The following NEDD4 variants were observed in gnomAD, a reference collection of about 807,000 sequenced individuals.
NEDD4 encodes the protein NEDD4 E3 ubiquitin protein ligase.
NEDD4 carries 99 observed loss-of-function variants against 144.9 expected under a neutral mutation model. The ratio of observed to expected loss-of-function variants is 0.68; its 90% confidence interval spans 0.58 to 0.81. The LOEUF is 0.81. Among genes scored for constraint, NEDD4 ranks in the 30% least tolerant of loss-of-function variants. The pLI is 0.00. For synonymous variants in NEDD4, 318 were observed against 350.6 expected (o/e 0.91, Z 1.04); for missense variants, 985 against 1,065.9 (o/e 0.92, Z 1.06).
At chr15:55,992,445 C>T (rs2038002583) in intron 1 of NEDD4, among the ~76,000 whole-genome samples, 1 of 152,194 alleles carries the variant, frequency 6.6e-6, no homozygotes, top group Non-Finnish European at 1.5e-5. Context: ...AGGAACTATA[C>T]AACTTAAATA....
intron 1 of NEDD4, among the ~76,000 whole-genome samples, chr15:55,970,861 A>C (rs2037595023): frequency 6.6e-6 from 1 of 152,082 alleles, no homozygotes; most frequent in African/African-American, 2.4e-5. Flanking sequence ...TAAATACCTA[A>C]CTCTTTAATG....
At chr15:55,950,643 A>G (rs2037221160) in intron 4 of NEDD4, among the ~76,000 whole-genome samples, 1 of 151,820 alleles carries the variant, frequency 6.6e-6, no homozygotes, top group African/African-American at 2.4e-5. Flanking sequence ...TTTAGAGTAC[A>G]GTGGGTTAAC....
At chr15:55,947,853 T>C (rs1230395555) in intron 4 of NEDD4, among the ~76,000 whole-genome samples, 3 of 152,158 alleles carry the variant, frequency 2.0e-5, no homozygotes, top group Non-Finnish European at 4.4e-5. Context: ...TCATACTGAA[T>C]GGGCAAAAAC....
intron 4 of NEDD4, among the ~76,000 whole-genome samples, chr15:55,949,788 CTG>C (rs2037204016): frequency 6.6e-6 from 1 of 151,788 alleles, no homozygotes; most frequent in Admixed American, 6.6e-5. Context: ...ACGTCACACA[CTG>C]GGGCCTGTCA....
At chr15:55,951,265 A>T in intron 4 of NEDD4, 111 bp downstream of exon 4, 1 of 541,356 alleles carries the variant, frequency 1.8e-6, no homozygotes, top group Non-Finnish European at 3.2e-6. Context: ...TCACAACTTT[A>T]GGCAAATTCT....
At chr15:55,976,626 A>AT (rs1566975577) in intron 1 of NEDD4, among the ~76,000 whole-genome samples, 9,641 of 131,218 alleles carry the variant, frequency 0.073, 447 homozygotes, top group Non-Finnish European at 0.11. Context: ...TCTGGGCAAA[A>AT]ATTTTTTTTT....
At chr15:55,859,732 A>G (rs753241422) in intron 11 of NEDD4, among the ~76,000 whole-genome samples, 1 of 152,132 alleles carries the variant, frequency 6.6e-6, no homozygotes, top group African/African-American at 2.4e-5. Flanking sequence ...AACCAACTTC[A>G]GCATAACTGG....
chr15:55,905,723 TG>T (rs1187509011), intron 5 of NEDD4, among the ~76,000 whole-genome samples: 1 of 152,204 alleles, frequency 6.6e-6, no homozygotes, highest in African/African-American at 2.4e-5. Flanking sequence ...TTGATGGGGT[TG>T]TTTTTTTCTT....
At chr15:55,968,575 T>C (rs62045217) in intron 1 of NEDD4, among the ~76,000 whole-genome samples, 11,142 of 152,180 alleles carry the variant, frequency 0.073, 467 homozygotes, top group Admixed American at 0.11. Context: ...AAAATCAATA[T>C]GTAAGATATA....
intron 1 of NEDD4, among the ~76,000 whole-genome samples, chr15:55,975,519 C>G (rs548202440): frequency 8.6e-5 from 13 of 151,964 alleles, no homozygotes; most frequent in Non-Finnish European, 1.8e-4. Flanking sequence ...GAATGTAACT[C>G]CCAGTTACAA....
chr15:55,933,690 A>T (rs1465299750), intron 4 of NEDD4, among the ~76,000 whole-genome samples: 1 of 152,076 alleles, frequency 6.6e-6, no homozygotes, highest in Admixed American at 6.5e-5. Flanking sequence ...ATAAAAAAAA[A>T]AATCTGATGG....
intron 1 of NEDD4, among the ~76,000 whole-genome samples, chr15:55,980,801 T>A (rs1171280492): frequency 6.6e-6 from 1 of 152,066 alleles, no homozygotes; most frequent in Non-Finnish European, 1.5e-5. Flanking sequence ...GGGGTGTGTG[T>A]GTGTGTGTGT....
rs8024903 is a variant in NEDD4, at chr15:55,975,646, G to A, written c.46-9100C>T. On this transcript the variant is annotated intron_variant, in intron 1 of 28. Coordinates refer to ENST00000435532, the MANE Select transcript of NEDD4 (RefSeq NM_006154.4). The stretch of plus-strand genomic sequence containing the variant: ...GACGACACCAAAAAAAAAACAAAAG[G>A]GAAAAATATTCCATGTTCATGGATT... 9.0e-3 allele frequency among the ~76,000 whole-genome samples: 1,371 copies of A among 151,566 alleles called. 9 individuals are homozygous for A. The highest frequency in any genetic ancestry group is 0.03 in the African/African-American group (1,223 of 41,380).
chr15:55,872,233 G>A (rs180854329), intron 7 of NEDD4, among the ~76,000 whole-genome samples, 182 bp downstream of exon 7: 28 of 151,560 alleles, frequency 1.8e-4, no homozygotes, highest in African/African-American at 6.8e-4. Flanking sequence ...TTTGCAATGT[G>A]CATACAGTAC....
intron 28 of NEDD4, 70 bp downstream of exon 28, chr15:55,830,444 T>C: frequency 7.5e-7 from 1 of 1,325,720 alleles, no homozygotes; most frequent in East Asian, 2.3e-5. Context: ...CTAGCCCTGC[T>C]GTGGCTAGAC....
At chr15:55,968,803 C>G (rs1404195834) in intron 1 of NEDD4, among the ~76,000 whole-genome samples, 2 of 152,110 alleles carry the variant, frequency 1.3e-5, no homozygotes, top group African/African-American at 4.8e-5. Context: ...TCTATGTACA[C>G]AAGGACTTAA....
chr15:55,863,432 A>G (rs1890979748), intron 8 of NEDD4, among the ~76,000 whole-genome samples: 1 of 152,202 alleles, frequency 6.6e-6, no homozygotes, highest in African/African-American at 2.4e-5. Flanking sequence ...AAATCTATTT[A>G]AAATTTTCAT....
intron 2 of NEDD4, among the ~76,000 whole-genome samples, chr15:55,964,841 C>G (rs1566971263): frequency 6.6e-6 from 1 of 151,840 alleles, no homozygotes; most frequent in Non-Finnish European, 1.5e-5. Flanking sequence ...GTATTAGGGT[C>G]ATGGGAGCAA....
At chr15:55,954,587 C>T (rs1249629641) in intron 2 of NEDD4, among the ~76,000 whole-genome samples, 5 of 152,046 alleles carry the variant, frequency 3.3e-5, no homozygotes, top group South Asian at 2.1e-4. Flanking sequence ...TGCAATGGCG[C>T]GATCTCGGCT....
Sources: gnomAD v4.1 joint callset for allele counts (sites outside exome capture counted in the v4.1 genomes callset) on GRCh38, gnomAD v4.1.1 for gene constraint, MANE v1.5 for transcripts, NCBI Gene and HGNC (gene_info 2026-07-23, HGNC 2026-07-21) for gene names.